The following PPP1R9A variants were observed in gnomAD, a reference collection of about 807,000 sequenced individuals.
PPP1R9A encodes protein phosphatase 1 regulatory subunit 9A, also known as neurabin-1.
PPP1R9A carries 59 observed loss-of-function variants against 141.9 expected under a neutral mutation model. The ratio of observed to expected loss-of-function variants is 0.42; its 90% confidence interval spans 0.34 to 0.52. The LOEUF (loss-of-function observed/expected upper bound fraction) is 0.52. Ranked by LOEUF, PPP1R9A falls within the 20% of genes least tolerant of loss-of-function variation. PPP1R9A has a pLI of 0.10. For synonymous variants in PPP1R9A, 500 were observed against 569.7 expected (o/e 0.88, Z 1.74); for missense variants, 1,444 against 1,611.9 (o/e 0.90, Z 1.78).
intron 12 of PPP1R9A, among the ~76,000 whole-genome samples, chr7:95,266,329 C>CTTT (rs140879429): frequency 6.6e-6 from 1 of 151,014 alleles, no homozygotes; most frequent in Non-Finnish European, 1.5e-5. Context: ...ACATGTCATC[C>CTTT]TTTTTTTTTA....
intron 16 of PPP1R9A, among the ~76,000 whole-genome samples, chr7:95,281,063 C>A (rs1804132972): frequency 6.6e-6 from 1 of 152,078 alleles, no homozygotes; most frequent in African/African-American, 2.4e-5. Context: ...AATTTTAAAG[C>A]AAAAATTTCG....
At chr7:95,066,557 T>G (rs1204109159) in intron 2 of PPP1R9A, among the ~76,000 whole-genome samples, 2 of 152,154 alleles carry the variant, frequency 1.3e-5, no homozygotes, top group Admixed American at 1.3e-4. Context: ...GAATAAAGTT[T>G]TCTAATAAAG....
intron 2 of PPP1R9A, among the ~76,000 whole-genome samples, chr7:95,103,848 G>C (rs60242774): frequency 0.045 from 6,823 of 152,204 alleles, 524 homozygotes; most frequent in African/African-American, 0.16. Context: ...TCCCTAGATT[G>C]GTTGGTAAAG....
chr7:95,008,666 C>T (rs748272866), intron 2 of PPP1R9A, among the ~76,000 whole-genome samples: 6 of 152,130 alleles, frequency 3.9e-5, no homozygotes. Context: ...AGGAGTACCA[C>T]TGCTTTCCTA....
chr7:95,068,523 G>T (rs957911867), intron 2 of PPP1R9A, among the ~76,000 whole-genome samples: 1 of 147,080 alleles, frequency 6.8e-6, no homozygotes, highest in Non-Finnish European at 1.5e-5. Flanking sequence ...AAGCAAAAGT[G>T]ACATTCATCT....
At chr7:95,005,752 T>C (rs1259592923) in intron 2 of PPP1R9A, among the ~76,000 whole-genome samples, 1 of 152,216 alleles carries the variant, frequency 6.6e-6, no homozygotes, top group Non-Finnish European at 1.5e-5. Context: ...AGAAAAATGT[T>C]CTGGCTATAT....
At chr7:94,964,092 G>A (rs751513193) in intron 2 of PPP1R9A, among the ~76,000 whole-genome samples, 2 of 152,106 alleles carry the variant, frequency 1.3e-5, no homozygotes, top group African/African-American at 2.4e-5. Context: ...GTCAGGTGTG[G>A]AATTTTCCAT....
In PPP1R9A at chr7:95,269,316, T is replaced by G; in HGVS notation, c.2933T>G (p.Val978Gly). The change falls in exon 14 of 20, where the codon GTG (valine) becomes GGG (glycine). Residue 978 changes from valine (V) to glycine (G), a missense_variant. Val to Gly is a moderately radical substitution (Grantham distance 109). Coordinates refer to ENST00000433360, the MANE Select transcript of PPP1R9A (RefSeq NM_001166160.2). ...SDSGVPPLTP[V>G]DSNVPFSSDH... ...TCTGGTGTTCCACCCCTCACCCCGG[T>G]GGATAGCAATGTGCCCTTCTCGTCT... 1 of 1,598,454 alleles carries G rather than the reference T, an allele frequency of 6.3e-7. No homozygotes were observed. Among genetic ancestry groups the G allele is most frequent in the Non-Finnish European group, 8.5e-7 (1 of 1,179,334 alleles).
intron 2 of PPP1R9A, among the ~76,000 whole-genome samples, chr7:95,087,057 AAAAG>A (rs993245450): frequency 1.1e-4 from 16 of 147,368 alleles, no homozygotes; most frequent in African/African-American, 3.5e-4. Context: ...TTTTCTAAAA[AAAAG>A]AAAGAGAGAG....
chr7:95,188,049 T>C (rs1834902264), intron 5 of PPP1R9A, among the ~76,000 whole-genome samples: 1 of 152,220 alleles, frequency 6.6e-6, no homozygotes, highest in Non-Finnish European at 1.5e-5. Flanking sequence ...GTTGACTTTC[T>C]CTCTTAATGA....
At chr7:95,236,813 A>G (rs2152977470) in intron 8 of PPP1R9A, among the ~76,000 whole-genome samples, 1 of 151,202 alleles carries the variant, frequency 6.6e-6, no homozygotes, top group Admixed American at 6.6e-5. Flanking sequence ...ACCTGTACTG[A>G]TTTTTTTCTG....
intron 2 of PPP1R9A, among the ~76,000 whole-genome samples, chr7:94,965,513 G>A (rs1798106580): frequency 6.6e-6 from 1 of 151,978 alleles, no homozygotes. Context: ...TTAAGTAAGG[G>A]GTCCAGTTTC....
Position 95,212,505 on chromosome 7 carries a change from T to G in PPP1R9A, c.1956+8775T>G, listed in dbSNP as rs147241031. 9.3e-4 allele frequency among the ~76,000 whole-genome samples: 142 copies of G among 152,248 alleles called. 1 individual carries two copies. The highest frequency in any genetic ancestry group is 3.4e-3 in the Middle Eastern group (1 of 294). On this transcript the variant is annotated intron_variant, in intron 7 of 19. Transcript: ENST00000433360. ...GGAGCTTTCCTGAGGGATAACTAATTTATTATTTGTATGAGCCCTACAGGC... is the reference window on the plus strand; with the variant it reads ...GGAGCTTTCCTGAGGGATAACTAATGTATTATTTGTATGAGCCCTACAGGC...
At chr7:94,997,034 C>T (rs986929492) in intron 2 of PPP1R9A, among the ~76,000 whole-genome samples, 1 of 152,068 alleles carries the variant, frequency 6.6e-6, no homozygotes, top group East Asian at 1.9e-4. Context: ...AAACTCCTGA[C>T]CTCAGGCGAT....
At chr7:95,134,835 G>A (rs1825352101) in intron 4 of PPP1R9A, among the ~76,000 whole-genome samples, 1 of 152,038 alleles carries the variant, frequency 6.6e-6, no homozygotes, top group African/African-American at 2.4e-5. Context: ...TATAACTTTA[G>A]TTTTTAATGT....
chr7:94,941,725 A>C (rs1325677377), intron 2 of PPP1R9A, among the ~76,000 whole-genome samples: 1 of 152,024 alleles, frequency 6.6e-6, no homozygotes, highest in Non-Finnish European at 1.5e-5. Context: ...ATGTCCATTT[A>C]AATCTTGATT....
chr7:95,068,821 A>G (rs893688462), intron 2 of PPP1R9A, among the ~76,000 whole-genome samples: 5 of 152,162 alleles, frequency 3.3e-5, no homozygotes, highest in Non-Finnish European at 5.9e-5. Context: ...GCAGTCAGGT[A>G]CTTGCTTTTG....
chr7:94,978,695 G>C (rs373754752), intron 2 of PPP1R9A, among the ~76,000 whole-genome samples: 3 of 152,086 alleles, frequency 2.0e-5, no homozygotes, highest in East Asian at 1.9e-4. Context: ...TCTGAATACT[G>C]TTTCAACTTT....
At chr7:95,269,116 C>T in intron 13 of PPP1R9A, 91 bp from the exon 14 acceptor site, 3 of 1,255,510 alleles carry the variant, frequency 2.4e-6, no homozygotes, top group Non-Finnish European at 3.3e-6. Flanking sequence ...TGGGGATTCA[C>T]TAATAAAAGG....
Sources: allele counts gnomAD v4.1 joint callset (sites outside exome capture counted in the v4.1 genomes callset), GRCh38; gene constraint gnomAD v4.1.1; transcripts MANE v1.5; gene names NCBI Gene and HGNC (gene_info 2026-07-23, HGNC 2026-07-21).